ALG1L2: variants seen among roughly 807,000 people sequenced by gnomAD.
ALG1L2 encodes the protein putative glycosyltransferase ALG1L2.
Under a neutral mutation model 29.0 loss-of-function variants are expected in ALG1L2, and 32 were observed. The ratio of observed to expected loss-of-function variants is 1.10; its 90% CI spans 0.83 to 1.48. The LOEUF (loss-of-function observed/expected upper bound fraction) is 1.48, where lower values mean the gene tolerates loss of function less well. Ranked by LOEUF, ALG1L2 falls within the 40% of genes most tolerant of loss-of-function variation. The pLI is 0.00. For synonymous variants in ALG1L2, 110 were observed against 109.5 expected (o/e 1.00, Z -0.03); for missense variants, 318 against 274.1 (o/e 1.16, Z -1.13).
chr3:130,096,410 A>G (rs1159880408), intron 6 of ALG1L2, among the ~76,000 whole-genome samples: 1 of 150,434 alleles, frequency 6.6e-6, no homozygotes, highest in Non-Finnish European at 1.5e-5. Context: ...TTTGCCATTA[A>G]AAATGGCAAT....
At chr3:130,093,937 A>G (rs962045195) in intron 4 of ALG1L2, 1 of 212,712 alleles carries the variant, frequency 4.7e-6, no homozygotes, top group Non-Finnish European at 9.6e-6. Flanking sequence ...AACCCGCGCC[A>G]TGTGCTCTGG....
chr3:130,089,793 CAT>C, intron 1 of ALG1L2, among the ~76,000 whole-genome samples: 1 of 152,426 alleles, frequency 6.6e-6, no homozygotes, highest in Non-Finnish European at 1.5e-5. Context: ...GTAATCTCAG[CAT>C]TTTGGGAGGC....
intron 1 of ALG1L2, among the ~76,000 whole-genome samples, chr3:130,090,171 C>G (rs1220550975): frequency 6.6e-6 from 1 of 152,298 alleles, no homozygotes; most frequent in African/African-American, 2.4e-5. Flanking sequence ...GCCTGGCCAA[C>G]ATGGTGAAAT....
At chr3:130,096,218 G>A in intron 6 of ALG1L2, 55 bp downstream of exon 6, 2 of 1,585,366 alleles carry the variant, frequency 1.3e-6, no homozygotes, top group South Asian at 1.1e-5. Flanking sequence ...CCACCGCTGA[G>A]GGGGAAGCAG....
chr3:130,089,915 G>A (rs1934977255), intron 1 of ALG1L2, among the ~76,000 whole-genome samples: 1 of 152,304 alleles, frequency 6.6e-6, no homozygotes, highest in African/African-American at 2.4e-5. Flanking sequence ...ACGGGTGCGT[G>A]ACTATAATCC....
intron 7 of ALG1L2, 134 bp downstream of exon 7, chr3:130,097,384 G>A (rs1935165851): frequency 7.2e-7 from 1 of 1,398,288 alleles, no homozygotes; most frequent in Admixed American, 2.6e-5. Flanking sequence ...GGAGGGAGCA[G>A]AAGTCACAGA....
intron 1 of ALG1L2, among the ~76,000 whole-genome samples, chr3:130,085,461 A>G (rs115228908): frequency 3.1e-5 from 2 of 64,946 alleles, no homozygotes; most frequent in Non-Finnish European, 7.5e-5. Flanking sequence ...TGGTCTTGAA[A>G]CTTGGCCTCA....
Position 130,094,397 on chromosome 3 carries a change from G to T in ALG1L2, c.314-6G>T, listed in dbSNP as rs1273151705. The T allele has an allele frequency of 1.3e-6, 2 of 1,594,068 alleles. No individual in the cohort carries two copies. The highest frequency in any genetic ancestry group is 1.1e-5 in the South Asian group (1 of 90,966). On this transcript the variant is annotated splice_region_variant and splice_polypyrimidine_tract_variant and intron_variant, in intron 4 of 7. Coordinates refer to ENST00000425059, the MANE Select transcript of ALG1L2 (RefSeq NM_001136152.1). ...TTCATGGCAGTGTCTGCTCTTCTCT[G>T]TGAAGGCAAAGGGCCTCTGAGGGAG...
intron 2 of ALG1L2, chr3:130,091,713 A>G (rs1208863642): frequency 3.6e-6 from 2 of 552,604 alleles, no homozygotes; most frequent in East Asian, 3.8e-5. Flanking sequence ...GGATCTGTGG[A>G]CCTGTGTGTC....
intron 7 of ALG1L2, among the ~76,000 whole-genome samples, 184 bp from the exon 8 acceptor site, chr3:130,098,039 G>A (rs7653085): frequency 0.037 from 5,662 of 151,184 alleles, 154 homozygotes; most frequent in Middle Eastern, 0.095. Flanking sequence ...GGGACATACG[G>A]GGAAGTTTCC....
chr3:130,097,337 C>A, intron 7 of ALG1L2, 87 bp downstream of exon 7: 1 of 1,547,356 alleles, frequency 6.5e-7, no homozygotes, highest in East Asian at 2.3e-5. Context: ...TTCACACAGC[C>A]AGGGTGGGAC....
chr3:130,091,039 G>T (rs1019444157), intron 1 of ALG1L2: 5 of 547,956 alleles, frequency 9.1e-6, no homozygotes, highest in Non-Finnish European at 1.6e-5. Context: ...AATCCATGTT[G>T]TGTATTGGCA....
chr3:130,092,319 A>G (rs1290487041), intron 3 of ALG1L2, 97 bp downstream of exon 3: 3 of 1,591,402 alleles, frequency 1.9e-6, no homozygotes, highest in South Asian at 2.2e-5. Flanking sequence ...CCCCAACCCC[A>G]CCACGGTCTC....
At position 130,098,387 on chromosome 3, in the gene ALG1L2, C is replaced by T. The variant is rs1310675058; in HGVS notation, c.*132C>T. Reference sequence around the variant, plus strand: ...TAACTCCTGGGCCAGAGGCTAAAACCCCAGGGCCCCTGCTGTCCTTCCCGC... The same window carrying T: ...TAACTCCTGGGCCAGAGGCTAAAACTCCAGGGCCCCTGCTGTCCTTCCCGC... On this transcript the variant is annotated 3_prime_UTR_variant, in exon 8 of 8. Transcript: ENST00000425059. The T allele has an allele frequency of 6.3e-6, 10 of 1,594,710 alleles. No homozygotes were observed. In the Admixed American group the frequency reaches 1.5e-4, roughly 24 times the overall value.
Position 130,097,378 on chromosome 3 carries a change from G to A in ALG1L2, c.615+128G>A. ...GGGGTCTGGCGGAAAAGCTAGGGAG[G>A]GAGCAGAAGTCACAGAGGCTGGCCT... On this transcript the variant is annotated intron_variant, in intron 7 of 7. Transcript: ENST00000425059. The A allele has an allele frequency of 3.5e-6, 5 of 1,421,488 alleles. No individual in the cohort carries two copies. In the South Asian group the frequency reaches 4.3e-5, roughly 12 times the overall value. 88.1% of individuals were successfully genotyped at this position (1,421,488 alleles called of 1,614,324 possible).
intron 6 of ALG1L2, 70 bp downstream of exon 6, chr3:130,096,233 G>T: frequency 6.5e-7 from 1 of 1,546,270 alleles, no homozygotes; most frequent in Non-Finnish European, 8.8e-7. Flanking sequence ...AAGCAGTGCA[G>T]AGTGAGCTGC....
chr3:130,098,086 G>A, intron 7 of ALG1L2, 137 bp from the exon 8 acceptor site: 2 of 1,159,802 alleles, frequency 1.7e-6, no homozygotes, highest in Non-Finnish European at 2.5e-6. Context: ...GCGCTGCTGG[G>A]GTGTGAAGGG....
At position 130,096,149 on chromosome 3, in the gene ALG1L2, C is replaced by T. The variant is rs142374130; in HGVS notation, c.525C>T (p.Ala175=). The stretch of plus-strand genomic sequence containing the variant: ...TCAGGTGCTGTTTGCCTGCGTGTGC[C>T]GTGAACTTCAAGTGGTAGGAGCAGA... ...DMFRCCLPAC[A]VNFKCLHELV... is the part of the protein sequence containing the mutation. The change falls in exon 6 of 8, where the codon GCC becomes GCT. Residue 175 remains alanine, a synonymous_variant. Coordinates refer to ENST00000425059, the MANE Select transcript of ALG1L2 (RefSeq NM_001136152.1). 1,330 of 1,611,882 alleles carry T rather than the reference C, an allele frequency of 8.3e-4. 6 individuals carry two copies. The African/African-American group carries it at 0.011, about 14-fold the overall frequency.
chr3:130,092,130 G>A lies in ALG1L2; in HGVS notation c.161G>A (p.Arg54Gln), dbSNP rs114865400. The change falls in exon 3 of 8, where the codon CGG (arginine) becomes CAG (glutamine). Residue 54 changes from arginine to glutamine, a missense_variant. Transcript: ENST00000425059. Reference sequence around the variant, plus strand: ...GAACCTGAGGACCCAGACACAGAGCGGTCGGCCTTCACGGAGCGGGATTCT... The same window carrying A: ...GAACCTGAGGACCCAGACACAGAGCAGTCGGCCTTCACGGAGCGGGATTCT... ...RSEPEDPDTE[R>Q]SAFTERDSGS... is the part of the protein sequence containing the mutation. 6.3e-3 allele frequency: 10,133 copies of A among 1,613,600 alleles called. 406 individuals are homozygous for A. In the African/African-American group the frequency reaches 0.1, roughly 16 times the overall value.
Sources: gnomAD v4.1 joint callset for allele counts (sites outside exome capture counted in the v4.1 genomes callset) on GRCh38, gnomAD v4.1.1 for gene constraint, MANE v1.5 for transcripts, NCBI Gene and HGNC (gene_info 2026-07-23, HGNC 2026-07-21) for gene names.